The following MTA3 variants were observed in gnomAD, a reference collection of about 807,000 sequenced individuals.
MTA3 encodes metastasis-associated protein MTA3.
Under a neutral mutation model 83.5 loss-of-function variants are expected in MTA3, and 34 were observed. The observed-to-expected ratio is 0.41, with a 90% CI of 0.31 to 0.54. The LOEUF (loss-of-function observed/expected upper bound fraction) is 0.54. Ranked by LOEUF, MTA3 falls within the 20% of genes least tolerant of loss-of-function variation. MTA3 has a pLI of 0.33. For missense variants in MTA3, 761 were observed against 726.4 expected, an observed-to-expected ratio of 1.05 and a Z score of -0.55; for synonymous variants, 303 against 252.7, an observed-to-expected ratio of 1.20 and a Z score of -1.89.
At chr2:42,704,825 A>T (rs1477825021) in intron 12 of MTA3, among the ~76,000 whole-genome samples, 1 of 152,146 alleles carries the variant, frequency 6.6e-6, no homozygotes, top group African/African-American at 2.4e-5. Flanking sequence ...ATCCCACTGT[A>T]TTTATCTATG....
At chr2:42,495,843 G>A (rs187796693) in intron 2 of MTA3, among the ~76,000 whole-genome samples, 4 of 152,218 alleles carry the variant, frequency 2.6e-5, no homozygotes, top group African/African-American at 9.6e-5. Context: ...CCCCAACCCC[G>A]TGTCTGTGAA....
chr2:42,694,083 G>A (rs1246296356), intron 9 of MTA3, among the ~76,000 whole-genome samples: 1 of 152,132 alleles, frequency 6.6e-6, no homozygotes, highest in Non-Finnish European at 1.5e-5. Context: ...GGGGCCTCAC[G>A]ACTCTGCCTG....
At chr2:42,529,863 G>A (rs1247281683) in intron 2 of MTA3, among the ~76,000 whole-genome samples, 1 of 152,202 alleles carries the variant, frequency 6.6e-6, no homozygotes, top group African/African-American at 2.4e-5. Context: ...CAATCCAGAT[G>A]AGTCGGTCAG....
At chr2:42,537,026 G>A (rs993293757) in intron 2 of MTA3, among the ~76,000 whole-genome samples, 1 of 152,108 alleles carries the variant, frequency 6.6e-6, no homozygotes, top group Non-Finnish European at 1.5e-5. Context: ...TCAATATATT[G>A]TAGCATGTGG....
Position 42,704,134 on chromosome 2 carries a change from T to C in MTA3, c.1026-60T>C, listed in dbSNP as rs1204617404. Reference sequence around the variant, plus strand: ...TAGTGACGGTAAATCAGTAATGATATAGAGCTTTTTGCCTTATTGTACAAA... The same window carrying C: ...TAGTGACGGTAAATCAGTAATGATACAGAGCTTTTTGCCTTATTGTACAAA... On this transcript the variant is annotated intron_variant, in intron 11 of 16. Coordinates refer to ENST00000405094, the MANE Select transcript of MTA3 (RefSeq NM_001330442.2). The C allele has an allele frequency of 1.2e-5, 19 of 1,539,146 alleles. No individual in the cohort carries two copies. In the East Asian group the frequency reaches 1.6e-4, roughly 13 times the overall value.
intron 9 of MTA3, among the ~76,000 whole-genome samples, chr2:42,688,208 A>G (rs1437173782): frequency 6.6e-6 from 1 of 152,134 alleles, no homozygotes; most frequent in Non-Finnish European, 1.5e-5. Flanking sequence ...CATAACTGGG[A>G]CTACAGGCAT....
At position 42,704,307 on chromosome 2, in the gene MTA3, A is replaced by G; in HGVS notation, c.1139A>G (p.Glu380Gly). ...AATCCTCTCTTAGGGAGAGCCTGTG[A>G]GAGCTGCTATGGTAAGTTTTCTCTA... ...PQNPLLGRAC[E>G]SCYATQSHQW... The change falls in exon 12 of 17, where the codon GAG becomes GGG. Residue 380 changes from glutamate (E) to glycine (G), a missense_variant. Coordinates refer to ENST00000405094, the MANE Select transcript of MTA3 (RefSeq NM_001330442.2). 6.2e-7 allele frequency: 1 copy of G among 1,613,878 alleles called. No homozygotes were observed. The highest frequency in any genetic ancestry group is 8.5e-7 in the Non-Finnish European group (1 of 1,179,814).
At chr2:42,533,330 C>G (rs1215698160) in intron 2 of MTA3, 1 of 150,962 alleles carries the variant, frequency 6.6e-6, no homozygotes, top group African/African-American at 2.4e-5. Context: ...CTCAGGAGAT[C>G]CGCCCGCCTT....
intron 3 of MTA3, among the ~76,000 whole-genome samples, chr2:42,597,087 A>G (rs1311340875): frequency 6.6e-6 from 1 of 150,788 alleles, no homozygotes; most frequent in Non-Finnish European, 1.5e-5. Context: ...TTTTTTTTGT[A>G]TTTTAGTAGA....
intron 11 of MTA3, among the ~76,000 whole-genome samples, chr2:42,700,526 C>T (rs1454179182): frequency 1.3e-5 from 2 of 152,166 alleles, no homozygotes; most frequent in Non-Finnish European, 2.9e-5. Flanking sequence ...ACTTTGCTCT[C>T]ATTCTTTTTT....
chr2:42,666,263 C>T (rs140186645), intron 8 of MTA3, among the ~76,000 whole-genome samples: 1,645 of 152,214 alleles, frequency 0.011, 25 homozygotes, highest in African/African-American at 0.038. Flanking sequence ...GGTGACAGAG[C>T]GAGACTCCAT....
At chr2:42,603,345 G>C (rs749172369) in intron 3 of MTA3, among the ~76,000 whole-genome samples, 3 of 152,094 alleles carry the variant, frequency 2.0e-5, no homozygotes, top group Non-Finnish European at 2.9e-5. Flanking sequence ...TGCTCTGTTG[G>C]TGCTAGATAA....
chr2:42,708,561 G>A (rs183963663), intron 13 of MTA3, among the ~76,000 whole-genome samples: 12 of 151,952 alleles, frequency 7.9e-5, no homozygotes, highest in South Asian at 2.1e-4. Flanking sequence ...CAGTGCTGAC[G>A]GGCTTTCAGG....
chr2:42,526,178 G>C (rs530207147), intron 2 of MTA3, among the ~76,000 whole-genome samples: 11 of 152,144 alleles, frequency 7.2e-5, no homozygotes, highest in Non-Finnish European at 8.8e-5. Flanking sequence ...GAGAAAGGCC[G>C]GTACAGGGGT....
chr2:42,754,902 C>A lies in MTA3; in HGVS notation c.*1503C>A, dbSNP rs764212925. The A allele has an allele frequency of 1.0e-6, 1 of 985,586 alleles. No individual in the cohort carries two copies. Among genetic ancestry groups the A allele is most frequent in the Non-Finnish European group, 1.2e-6 (1 of 830,078 alleles). 61.1% of individuals were successfully genotyped at this position (985,586 alleles called of 1,614,324 possible). On this transcript the variant is annotated 3_prime_UTR_variant, in exon 17 of 17. Coordinates refer to ENST00000405094, the MANE Select transcript of MTA3 (RefSeq NM_001330442.2). ...AGGTGGAGGGCGGTTTTGCAGACAT[C>A]TCAGCTTCTTTTCTGAGGAGGAGTT... is the stretch of plus-strand genomic sequence containing the variant.
chr2:42,519,875 C>A (rs770922060), intron 2 of MTA3, among the ~76,000 whole-genome samples: 1 of 152,052 alleles, frequency 6.6e-6, no homozygotes, highest in Non-Finnish European at 1.5e-5. Flanking sequence ...ATGGTGAAAC[C>A]CTGTCTCACG....
At position 42,672,670 on chromosome 2, in the gene MTA3, A is replaced by C. The variant is rs1352466145; in HGVS notation, c.703-9731A>C. ...CAAAAAAAAAAAAAAAAAAAAAAAA[A>C]AAAAGTAATCAAAAGGTGTGAGTAC... On this transcript the variant is annotated intron_variant, in intron 8 of 16. Transcript: ENST00000405094. 1.9e-3 allele frequency among the ~76,000 whole-genome samples: 286 copies of C among 147,878 alleles called. 1 individual carries two copies. The highest frequency in any genetic ancestry group is 7.0e-3 in the African/African-American group (277 of 39,822).
upstream of MTA3, among the ~76,000 whole-genome samples, chr2:42,566,740 G>A (rs1390343898): frequency 6.6e-6 from 1 of 152,206 alleles, no homozygotes. Flanking sequence ...TTTCGAAGGA[G>A]GAGAAATTGC....
intron 2 of MTA3, among the ~76,000 whole-genome samples, chr2:42,525,836 T>C (rs1380126340): frequency 6.6e-6 from 1 of 151,600 alleles, no homozygotes; most frequent in African/African-American, 2.4e-5. Context: ...TTTTTGTATT[T>C]TTCGGTAGAG....
Sources: allele counts gnomAD v4.1 joint callset (sites outside exome capture counted in the v4.1 genomes callset), GRCh38; gene constraint gnomAD v4.1.1; transcripts MANE v1.5; gene names NCBI Gene and HGNC (gene_info 2026-07-23, HGNC 2026-07-21).